The following CDC26 variants were observed in gnomAD, a reference collection of about 807,000 sequenced individuals.
CDC26 encodes anaphase-promoting complex subunit CDC26.
CDC26 carries 2 observed loss-of-function variants against 8.0 expected under a neutral mutation model. That is an observed-to-expected ratio of 0.25 (90% confidence interval 0.10 to 0.79). CDC26 has a LOEUF of 0.79. Among genes scored for constraint, CDC26 ranks in the 30% least tolerant of loss-of-function variants. CDC26 has a pLI of 0.70. For missense variants in CDC26, 68 were observed against 106.0 expected (o/e 0.64, Z 1.57); for synonymous variants, 19 against 34.9 (o/e 0.55, Z 1.60).
Position 113,272,533 on chromosome 9 carries a change from C to A in CDC26, c.-26G>T. 6.6e-7 allele frequency: 1 copy of A among 1,516,494 alleles called. No homozygotes were observed. The highest frequency in any genetic ancestry group is 9.2e-7 in the Non-Finnish European group (1 of 1,091,228). The allele number at this position is 1,516,494 out of a possible 1,614,324, so 93.9% of individuals were successfully genotyped here. A position where few individuals can be genotyped will look rare whatever the true frequency, so the allele number is the denominator to read the frequency against. On this transcript the variant is annotated 5_prime_UTR_variant, in exon 3 of 4. Transcript: ENST00000374206. ...ACTGAAGTCAACACTAAGGGCCAAA[C>A]CCAGTGAACTATTAGCTGTTAAAAA...
At chr9:113,272,586 G>T (rs1247140260) in intron 2 of CDC26, 38 bp from the exon 3 acceptor site, 1 of 998,428 alleles carries the variant, frequency 1.0e-6, no homozygotes, top group Non-Finnish European at 1.6e-6. Flanking sequence ...ATCTGAAGGT[G>T]ATAAAGTCTC....
At chr9:113,274,851 A>C (rs2118567554) in intron 1 of CDC26, among the ~76,000 whole-genome samples, 1 of 152,302 alleles carries the variant, frequency 6.6e-6, no homozygotes, top group Non-Finnish European at 1.5e-5. Flanking sequence ...GGGTTGCATG[A>C]GGATCTGGCC....
In CDC26 at chr9:113,267,086, A is replaced by G; in HGVS notation, c.*177T>C. ...GAGTCAAATTTTCAAGAGACAAACC[A>G]GAGTTTGGATTCCAGCTTAGAGTGC... is the stretch of plus-strand genomic sequence containing the variant. On this transcript the variant is annotated 3_prime_UTR_variant, in exon 4 of 4. Transcript: ENST00000374206. 1 of 480,922 alleles carries G rather than the reference A, an allele frequency of 2.1e-6. No individual in the cohort carries two copies. Among genetic ancestry groups the G allele is most frequent in the Non-Finnish European group, 3.7e-6 (1 of 272,512 alleles). 29.8% of individuals were successfully genotyped at this position (480,922 alleles called of 1,614,324 possible).
At chr9:113,268,655 C>A (rs1352685147) in intron 3 of CDC26, among the ~76,000 whole-genome samples, 1 of 152,180 alleles carries the variant, frequency 6.6e-6, no homozygotes, top group African/African-American at 2.4e-5. Context: ...GTGGCTCATG[C>A]CTGTAAATCC....
At chr9:113,271,977 T>C (rs1299834673) in intron 3 of CDC26, among the ~76,000 whole-genome samples, 2 of 152,146 alleles carry the variant, frequency 1.3e-5, no homozygotes, top group Non-Finnish European at 2.9e-5. Flanking sequence ...AGCTCAGGCA[T>C]GCGCCACCCT....
chr9:113,272,843 C>T (rs770517506), intron 2 of CDC26, among the ~76,000 whole-genome samples: 14 of 152,110 alleles, frequency 9.2e-5, no homozygotes, highest in East Asian at 1.9e-4. Flanking sequence ...AGGCGTACAC[C>T]GCCATACCTG....
chr9:113,275,449 C>T lies in CDC26; in HGVS notation c.-219G>A, dbSNP rs1832052010. 5 of 388,178 alleles carry T rather than the reference C, an allele frequency of 1.3e-5. No homozygotes were observed. Among genetic ancestry groups the T allele is most frequent in the Admixed American group, 4.5e-5 (1 of 21,980 alleles). 24.0% of individuals were successfully genotyped at this position (388,178 alleles called of 1,614,324 possible). On this transcript the variant is annotated 5_prime_UTR_variant, in exon 1 of 4. Coordinates refer to ENST00000374206, the MANE Select transcript of CDC26 (RefSeq NM_139286.4). ...CCCCCCAACGAAACTACTGCTAAGC[C>T]AACTGGACTACACTTCCCAGACTGC...
chr9:113,273,141 T>C (rs1831986418), intron 2 of CDC26, among the ~76,000 whole-genome samples, 188 bp downstream of exon 2: 2 of 152,226 alleles, frequency 1.3e-5, no homozygotes, highest in Non-Finnish European at 2.9e-5. Context: ...CACTTTAATC[T>C]CATGTTCCAG....
chr9:113,274,403 C>T (rs1237812074), intron 1 of CDC26, among the ~76,000 whole-genome samples: 1 of 152,114 alleles, frequency 6.6e-6, no homozygotes, highest in Non-Finnish European at 1.5e-5. Context: ...ACACAAAACA[C>T]TGGCACATTA....
chr9:113,274,007 TA>T (rs1832008496), intron 1 of CDC26, among the ~76,000 whole-genome samples: 1 of 152,100 alleles, frequency 6.6e-6, no homozygotes, highest in South Asian at 2.1e-4. Flanking sequence ...CCCTAGAGTG[TA>T]TCTATAAAAA....
intron 3 of CDC26, among the ~76,000 whole-genome samples, chr9:113,272,046 A>G (rs186977332): frequency 1.3e-3 from 200 of 152,280 alleles, no homozygotes; most frequent in African/African-American, 4.6e-3. Context: ...ACTCCTGGCC[A>G]GAAAATGCTG....
At chr9:113,269,530 C>A (rs1456302868) in intron 3 of CDC26, among the ~76,000 whole-genome samples, 1 of 135,134 alleles carries the variant, frequency 7.4e-6, no homozygotes, top group Non-Finnish European at 1.6e-5. Context: ...GGCCAGTTTT[C>A]TACTGGTTTC....
intron 3 of CDC26, among the ~76,000 whole-genome samples, chr9:113,267,804 T>C (rs1031849611): frequency 2.0e-5 from 3 of 152,056 alleles, no homozygotes; most frequent in Non-Finnish European, 4.4e-5. Context: ...CTAGCCAACA[T>C]GGTGAAACTC....
chr9:113,269,396 A>G (rs900133540), intron 3 of CDC26, among the ~76,000 whole-genome samples: 5 of 152,186 alleles, frequency 3.3e-5, no homozygotes, highest in Admixed American at 6.5e-5. Flanking sequence ...AAACAACTCT[A>G]TCATTCTGAG....
chr9:113,272,709 A>G (rs1256363200), intron 2 of CDC26, among the ~76,000 whole-genome samples, 161 bp from the exon 3 acceptor site: 2 of 142,078 alleles, frequency 1.4e-5, no homozygotes, highest in Non-Finnish European at 3.0e-5. Flanking sequence ...TTTTTTTTTT[A>G]AGAGATAGGA....
intron 3 of CDC26, 68 bp downstream of exon 3, chr9:113,272,359 C>A: frequency 8.1e-7 from 1 of 1,227,980 alleles, no homozygotes; most frequent in Non-Finnish European, 1.2e-6. Flanking sequence ...CAAGATCATG[C>A]CACTGTACTC....
In CDC26 at chr9:113,267,443, A is replaced by T. The variant is rs1427411438; in HGVS notation, c.82-4T>A. 6.3e-7 allele frequency: 1 copy of T among 1,595,664 alleles called. No individual in the cohort carries two copies. Among genetic ancestry groups the T allele is most frequent in the Admixed American group, 1.8e-5 (1 of 55,010 alleles). The stretch of plus-strand genomic sequence containing the variant: ...CTTCCTTCTGTTTCTTACGGGTCTG[A>T]AAGTATAAAAGTTTTAGGATTAAGG... On this transcript the variant is annotated splice_region_variant and splice_polypyrimidine_tract_variant and intron_variant, in intron 3 of 3. Transcript: ENST00000374206.
intron 2 of CDC26, among the ~76,000 whole-genome samples, 189 bp downstream of exon 2, chr9:113,273,140 C>T (rs942597055): frequency 6.6e-6 from 1 of 152,168 alleles, no homozygotes; most frequent in African/African-American, 2.4e-5. Flanking sequence ...TCACTTTAAT[C>T]TCATGTTCCA....
chr9:113,270,279 C>A (rs1466250056), intron 3 of CDC26, among the ~76,000 whole-genome samples: 1 of 152,122 alleles, frequency 6.6e-6, no homozygotes, highest in Admixed American at 6.5e-5. Flanking sequence ...AGCTCATATG[C>A]CATGCTAGGG....
Sources: gnomAD v4.1 joint callset for allele counts (sites outside exome capture counted in the v4.1 genomes callset) on GRCh38, gnomAD v4.1.1 for gene constraint, MANE v1.5 for transcripts, NCBI Gene and HGNC (gene_info 2026-07-23, HGNC 2026-07-21) for gene names.